PKHD1L1: variants seen among roughly 807,000 people sequenced by gnomAD.
PKHD1L1 encodes the protein PKHD1 like 1.
Under a neutral mutation model 462.9 loss-of-function variants are expected in PKHD1L1, and 434 were observed. The observed-to-expected ratio is 0.94, with a 90% CI of 0.87 to 1.02. PKHD1L1 has a LOEUF of 1.02. Ranked by LOEUF, PKHD1L1 falls within the 50% of genes least tolerant of loss-of-function variation. PKHD1L1 has a pLI of 0.00. For synonymous variants in PKHD1L1, 1,781 were observed against 1,750.0 expected (o/e 1.02, Z -0.44); for missense variants, 5,202 against 5,096.1 (o/e 1.02, Z -0.63).
rs1190624750 is a variant in PKHD1L1 at position 109,459,759 on chromosome 8, G to A, written c.7169G>A (p.Arg2390Lys). 5 of 1,611,352 alleles carry A rather than the reference G, an allele frequency of 3.1e-6. No individual in the cohort carries two copies. Reference protein sequence around the residue: ...EARAEVGILTRNILIRGSDNV... With the variant: ...EARAEVGILTKNILIRGSDNV... ...AGAGCAGAAGTTGGAATTCTTACAA[G>A]AAATATTTTAATAAGAGGATCTGAT... Residue 2390 changes from arginine to lysine, a missense_variant, in exon 47 of 78, where the codon AGA becomes AAA. This residue lies in a region of PKHD1L1 where 4,497 missense variants were observed against 4,336.8 expected (regional missense o/e 1.04). Transcript: ENST00000378402.
chr8:109,514,130 C>T lies in PKHD1L1; in HGVS notation c.11554-1040C>T, dbSNP rs1030755879. The stretch of plus-strand genomic sequence containing the variant: ...CCCACTGAGCTCCTTGCTGTTCCTA[C>T]GGTCACCAAACATGCTACCCTCCCG... On this transcript the variant is annotated intron_variant, in intron 71 of 77. Transcript: ENST00000378402. Among the ~76,000 whole-genome samples, 5 of 152,086 alleles carry T rather than the reference C, an allele frequency of 3.3e-5. 1 individual carries two copies. The highest frequency in any genetic ancestry group is 4.4e-5 in the Non-Finnish European group (3 of 67,992).
At chr8:109,369,537 T>A (rs1811391774) in intron 2 of PKHD1L1, among the ~76,000 whole-genome samples, 1 of 152,116 alleles carries the variant, frequency 6.6e-6, no homozygotes, top group South Asian at 2.1e-4. Flanking sequence ...TTTGTTGGCA[T>A]TATTTTTCAG....
chr8:109,446,363 C>T (rs1816140516), intron 38 of PKHD1L1, among the ~76,000 whole-genome samples: 1 of 152,018 alleles, frequency 6.6e-6, no homozygotes. Flanking sequence ...TAATTTCCAG[C>T]GATGAAATTT....
chr8:109,495,155 C>T (rs1586621586), intron 63 of PKHD1L1, among the ~76,000 whole-genome samples: 1 of 152,010 alleles, frequency 6.6e-6, no homozygotes, highest in East Asian at 1.9e-4. Context: ...GTGCAAAATA[C>T]ATTCTGAAGG....
At chr8:109,375,443 C>T (rs775465559) in intron 2 of PKHD1L1, among the ~76,000 whole-genome samples, 8 of 152,024 alleles carry the variant, frequency 5.3e-5, no homozygotes, top group African/African-American at 1.2e-4. Flanking sequence ...GCCATTGGTT[C>T]GAACTTCCTC....
At chr8:109,456,188 A>T in intron 45 of PKHD1L1, 74 bp from the exon 46 acceptor site, 1 of 1,459,736 alleles carries the variant, frequency 6.9e-7, no homozygotes, top group Non-Finnish European at 9.1e-7. Flanking sequence ...TTAGGAAAAG[A>T]TTAAAATGTA....
chr8:109,504,142 GATATGGATATTGAT>G (rs1339726868), intron 67 of PKHD1L1, among the ~76,000 whole-genome samples, 171 bp from the exon 68 acceptor site: 1 of 152,204 alleles, frequency 6.6e-6, no homozygotes, highest in Non-Finnish European at 1.5e-5. Flanking sequence ...ATTACCCAGT[GATATGGATATTGAT>G]ATTGGGAGGC....
intron 41 of PKHD1L1, among the ~76,000 whole-genome samples, chr8:109,451,677 C>T (rs1177565314): frequency 1.3e-5 from 2 of 152,250 alleles, no homozygotes; most frequent in Non-Finnish European, 2.9e-5. Context: ...AACACCAGAT[C>T]GCATACACCA....
chr8:109,412,975 G>T (rs1021569844), intron 20 of PKHD1L1, among the ~76,000 whole-genome samples: 5 of 151,956 alleles, frequency 3.3e-5, no homozygotes, highest in Non-Finnish European at 5.9e-5. Context: ...ATTAAAATTG[G>T]TATTTAATTA....
At chr8:109,488,971 A>T (rs1818690525) in intron 59 of PKHD1L1, among the ~76,000 whole-genome samples, 1 of 151,952 alleles carries the variant, frequency 6.6e-6, no homozygotes, top group Non-Finnish European at 1.5e-5. Context: ...TCAGCGATGA[A>T]CCCTATTCCT....
intron 23 of PKHD1L1, among the ~76,000 whole-genome samples, chr8:109,421,245 C>G (rs1203296691): frequency 6.6e-6 from 1 of 151,414 alleles, no homozygotes; most frequent in Non-Finnish European, 1.5e-5. Flanking sequence ...CTACCACAAA[C>G]CAAAAACAAG....
In PKHD1L1 at chr8:109,522,791, G is replaced by A; in HGVS notation, c.12231G>A (p.Val4077=). 6.2e-7 allele frequency: 1 copy of A among 1,612,138 alleles called. No individual in the cohort carries two copies. The highest frequency in any genetic ancestry group is 2.2e-5 in the East Asian group (1 of 44,782). The change falls in exon 75 of 78, where the codon GTG becomes GTA. Residue 4077 remains valine (V), a synonymous_variant. Transcript: ENST00000378402. Reference sequence around the variant, plus strand: ...GGTCTGCATTTCCTGTTCATCACGTGGCCTTCGTGTCCTCACTCTTAGTGA... The same window carrying A: ...GGTCTGCATTTCCTGTTCATCACGTAGCCTTCGTGTCCTCACTCTTAGTGA... ...VERSAFPVHH[V]AFVSSLLVIT...
At chr8:109,389,014 A>G in intron 7 of PKHD1L1, 65 bp from the exon 8 acceptor site, 1 of 1,118,524 alleles carries the variant, frequency 8.9e-7, no homozygotes, top group Non-Finnish European at 1.3e-6. Context: ...AGTTTTTAAG[A>G]GAAACACAAT....
At chr8:109,375,131 G>T in intron 2 of PKHD1L1, among the ~76,000 whole-genome samples, 1 of 152,168 alleles carries the variant, frequency 6.6e-6, no homozygotes, top group Non-Finnish European at 1.5e-5. Flanking sequence ...GTCACTTTCA[G>T]GTACACCAAT....
intron 67 of PKHD1L1, among the ~76,000 whole-genome samples, chr8:109,503,293 CA>C (rs1487047609): frequency 1.7e-3 from 5 of 2,888 alleles, no homozygotes; most frequent in African/African-American, 8.9e-3. Flanking sequence ...AAACAAAAAA[CA>C]AAAACAAAAA....
intron 25 of PKHD1L1, among the ~76,000 whole-genome samples, chr8:109,427,701 T>A (rs967329162): frequency 6.6e-6 from 1 of 150,870 alleles, no homozygotes; most frequent in Admixed American, 6.6e-5. Context: ...AGGAGAGGAG[T>A]CTAGGGACTC....
At position 109,531,900 on chromosome 8, in the gene PKHD1L1, G is replaced by A. The variant is rs1821050078; in HGVS notation, c.*1810G>A. ...GACCCAACATGGGCCATTTCACGCTGAGACTTAAAAATCAGTCTTCCTAAG... is the reference window on the plus strand; with the variant it reads ...GACCCAACATGGGCCATTTCACGCTAAGACTTAAAAATCAGTCTTCCTAAG... On this transcript the variant is annotated 3_prime_UTR_variant, in exon 78 of 78. Transcript: ENST00000378402. Among the ~76,000 whole-genome samples the A allele has an allele frequency of 6.6e-6, 1 of 152,174 alleles. No homozygotes were observed. The highest frequency in any genetic ancestry group is 2.4e-5 in the African/African-American group (1 of 41,430).
chr8:109,486,773 G>A lies in PKHD1L1; in HGVS notation c.9832G>A (p.Ala3278Thr). ...CGGTTGGTCTGAGGACTCTTTTGGAGCACGCGTACTGGTTGGCTCATTCAC... is the reference window on the plus strand; with the variant it reads ...CGGTTGGTCTGAGGACTCTTTTGGAACACGCGTACTGGTTGGCTCATTCAC... ...YPGWSEDSFG[A>T]RVLVGSFTEN... Residue 3278 changes from alanine (A) to threonine (T), a missense_variant, in exon 59 of 78, where the codon GCA becomes ACA. Physicochemically the swap from Ala to Thr is moderately conservative, Grantham distance 58. Coordinates refer to ENST00000378402, the MANE Select transcript of PKHD1L1 (RefSeq NM_177531.6). 6.2e-7 allele frequency: 1 copy of A among 1,612,380 alleles called. No homozygotes were observed. The highest frequency in any genetic ancestry group is 8.5e-7 in the Non-Finnish European group (1 of 1,178,830).
intron 50 of PKHD1L1, among the ~76,000 whole-genome samples, chr8:109,467,172 G>T (rs1443694582): frequency 6.6e-6 from 1 of 152,044 alleles, no homozygotes; most frequent in Admixed American, 6.6e-5. Flanking sequence ...TGGATTTACT[G>T]ATTTGTTCCG....
Sources: allele counts gnomAD v4.1 joint callset (sites outside exome capture counted in the v4.1 genomes callset), GRCh38; gene constraint gnomAD v4.1.1; regional missense constraint gnomAD v4.1.1; transcripts MANE v1.5; gene names NCBI Gene and HGNC (gene_info 2026-07-23, HGNC 2026-07-21).